The following SORCS2 variants were observed in gnomAD, a reference collection of about 807,000 sequenced individuals.
SORCS2 encodes the protein sortilin related VPS10 domain containing receptor 2, also known as VPS10 domain-containing receptor SorCS2.
A neutral mutation model predicts 141.6 loss-of-function variants in SORCS2; 100 were observed. The observed-to-expected ratio is 0.71, with a 90% CI of 0.60 to 0.83. The LOEUF (loss-of-function observed/expected upper bound fraction) is 0.83. Ranked by LOEUF, SORCS2 falls within the 40% of genes least tolerant of loss-of-function variation. The pLI is 0.00. For missense variants in SORCS2, 1,646 were observed against 1,560.2 expected (o/e 1.05, Z -0.93); for synonymous variants, 789 against 676.9 (o/e 1.17, Z -2.57).
chr4:7,544,720 C>T (rs536078740), intron 3 of SORCS2, among the ~76,000 whole-genome samples: 8 of 152,330 alleles, frequency 5.3e-5, no homozygotes, highest in Admixed American at 4.6e-4. Flanking sequence ...AGTTCAGGGC[C>T]CTTGCAGGCT....
chr4:7,686,453 G>A lies in SORCS2; in HGVS notation c.1489-3033G>A, dbSNP rs545736933. Among the ~76,000 whole-genome samples, 136 of 152,300 alleles carry A rather than the reference G, an allele frequency of 8.9e-4. 1 individual carries two copies. The highest frequency in any genetic ancestry group is 3.1e-3 in the African/African-American group (130 of 41,554). On this transcript the variant is annotated intron_variant, in intron 10 of 26. Coordinates refer to ENST00000507866, the MANE Select transcript of SORCS2 (RefSeq NM_020777.3). Reference sequence around the variant, plus strand: ...CCCTATGTGCCAAACGGACAGAGAAGGGAGAGTCCTGGAGCAGTGTGAGTC... The same window carrying A: ...CCCTATGTGCCAAACGGACAGAGAAAGGAGAGTCCTGGAGCAGTGTGAGTC...
intron 1 of SORCS2, among the ~76,000 whole-genome samples, chr4:7,292,917 G>C (rs1294629225): frequency 6.6e-6 from 1 of 152,232 alleles, no homozygotes; most frequent in African/African-American, 2.4e-5. Flanking sequence ...GAAAAGCAGA[G>C]AGAAGAAGAG....
chr4:7,528,053 G>C (rs7684195), intron 2 of SORCS2, among the ~76,000 whole-genome samples: 67,499 of 149,010 alleles, frequency 0.45, 16,813 homozygotes, highest in East Asian at 0.89. Context: ...GTCTCTCTCT[G>C]TCTCTCTCTC....
chr4:7,460,411 T>TC (rs1729224404), intron 2 of SORCS2, among the ~76,000 whole-genome samples: 1 of 151,860 alleles, frequency 6.6e-6, no homozygotes, highest in South Asian at 2.1e-4. Context: ...GGTGCCAGAC[T>TC]CCCCCAGCTT....
intron 4 of SORCS2, among the ~76,000 whole-genome samples, chr4:7,651,727 C>T (rs9991615): frequency 0.017 from 2,562 of 152,334 alleles, 69 homozygotes; most frequent in African/African-American, 0.058. Context: ...GCACCCTCCC[C>T]CTAGCAACCT....
intron 4 of SORCS2, among the ~76,000 whole-genome samples, chr4:7,640,381 A>C (rs1287044118): frequency 8.4e-6 from 1 of 119,530 alleles, no homozygotes; most frequent in African/African-American, 3.1e-5. Flanking sequence ...AATGTACATG[A>C]GTGTGTGGGT....
At chr4:7,550,110 G>A (rs1344575491) in intron 3 of SORCS2, among the ~76,000 whole-genome samples, 10 of 105,464 alleles carry the variant, frequency 9.5e-5, no homozygotes, top group South Asian at 4.0e-4. Flanking sequence ...TTTTTTTTCC[G>A]TGTGTGTGTG....
intron 3 of SORCS2, among the ~76,000 whole-genome samples, chr4:7,620,005 TC>T (rs1560431376): frequency 2.0e-4 from 30 of 147,566 alleles, no homozygotes; most frequent in Non-Finnish European, 3.7e-4. Flanking sequence ...ACCTCTTTTT[TC>T]TCCTCCTCCT....
intron 2 of SORCS2, among the ~76,000 whole-genome samples, chr4:7,479,929 G>A (rs375420039): frequency 6.6e-6 from 1 of 152,232 alleles, no homozygotes; most frequent in African/African-American, 2.4e-5. Flanking sequence ...CCTGTCCTCC[G>A]GGCTCAGTGT....
At chr4:7,335,021 G>A (rs1317291047) in intron 1 of SORCS2, among the ~76,000 whole-genome samples, 3 of 152,138 alleles carry the variant, frequency 2.0e-5, no homozygotes, top group East Asian at 3.9e-4. Context: ...TGGGCCATGG[G>A]CTTTGAACCT....
chr4:7,240,295 C>A (rs150449702), intron 1 of SORCS2, among the ~76,000 whole-genome samples: 126 of 152,294 alleles, frequency 8.3e-4, no homozygotes, highest in African/African-American at 2.9e-3. Flanking sequence ...AGCTGAGAAC[C>A]CTGCTGAGCT....
chr4:7,352,570 A>T (rs1188171122), intron 1 of SORCS2, among the ~76,000 whole-genome samples: 1 of 152,196 alleles, frequency 6.6e-6, no homozygotes, highest in Non-Finnish European at 1.5e-5. Context: ...CTGAGCTCTT[A>T]GCAGATGTCT....
intron 11 of SORCS2, among the ~76,000 whole-genome samples, chr4:7,690,582 A>T (rs545806947): frequency 6.7e-6 from 1 of 150,058 alleles, no homozygotes; most frequent in South Asian, 2.2e-4. Context: ...GGATAGGCAG[A>T]TGGATAGGTG....
At chr4:7,413,757 G>A (rs1039266735) in intron 2 of SORCS2, among the ~76,000 whole-genome samples, 1 of 152,144 alleles carries the variant, frequency 6.6e-6, no homozygotes, top group Non-Finnish European at 1.5e-5. Flanking sequence ...ATTTAACCAA[G>A]TCCTCATTTT....
chr4:7,475,150 A>G (rs1730213199), intron 2 of SORCS2, among the ~76,000 whole-genome samples: 1 of 152,140 alleles, frequency 6.6e-6, no homozygotes, highest in African/African-American at 2.4e-5. Context: ...TCCACCAAAA[A>G]CATTCCTTTG....
At chr4:7,695,710 GGA>G (rs2108999048) in intron 11 of SORCS2, among the ~76,000 whole-genome samples, 8 of 72,244 alleles carry the variant, frequency 1.1e-4, no homozygotes, top group Non-Finnish European at 1.7e-4. Context: ...GTGGGTGGAT[GGA>G]TGGATGGATG....
At chr4:7,214,074 TC>T (rs1233681860) in intron 1 of SORCS2, among the ~76,000 whole-genome samples, 1 of 152,082 alleles carries the variant, frequency 6.6e-6, no homozygotes, top group East Asian at 1.9e-4. Flanking sequence ...AGAAGGTGAG[TC>T]ACAGTTGGGG....
intron 2 of SORCS2, among the ~76,000 whole-genome samples, chr4:7,519,958 T>A (rs766946889): frequency 6.6e-6 from 1 of 152,176 alleles, no homozygotes; most frequent in East Asian, 1.9e-4. Context: ...TGGGGCAGCC[T>A]GGAGTTAGGC....
chr4:7,643,908 C>T (rs1217097450), intron 4 of SORCS2, among the ~76,000 whole-genome samples: 1 of 152,140 alleles, frequency 6.6e-6, no homozygotes, highest in Non-Finnish European at 1.5e-5. Flanking sequence ...GACTTGAGAA[C>T]AGGGAAAAGA....
Sources: gnomAD v4.1 joint callset for allele counts (sites outside exome capture counted in the v4.1 genomes callset) on GRCh38, gnomAD v4.1.1 for gene constraint, MANE v1.5 for transcripts, NCBI Gene and HGNC (gene_info 2026-07-23, HGNC 2026-07-21) for gene names.